The following SEZ6 variants were observed in gnomAD, a reference collection of about 807,000 sequenced individuals.
The protein encoded by SEZ6 is seizure protein 6 homolog.
SEZ6 carries 53 observed loss-of-function variants against 101.0 expected under a neutral mutation model. The observed-to-expected ratio is 0.52, with a 90% CI of 0.42 to 0.66. The LOEUF is 0.66. Ranked by LOEUF, SEZ6 falls within the 30% of genes least tolerant of loss-of-function variation. SEZ6 has a pLI of 0.00. For missense variants in SEZ6, 1,102 were observed against 1,289.4 expected, an observed-to-expected ratio of 0.85 and a Z score of 2.23; for synonymous variants, 488 against 512.2, an observed-to-expected ratio of 0.95 and a Z score of 0.64.
chr17:29,000,829 T>TG (rs1785374507), intron 1 of SEZ6, among the ~76,000 whole-genome samples: 2 of 152,030 alleles, frequency 1.3e-5, no homozygotes, highest in Admixed American at 6.6e-5. Flanking sequence ...GTGGCTGTTA[T>TG]AGGGGGGGTG....
At position 28,959,080 on chromosome 17, in the gene SEZ6, C is replaced by T. The variant is rs372776647; in HGVS notation, c.2052G>A (p.Ser684=). 1.4e-5 allele frequency: 23 copies of T among 1,613,864 alleles called. No individual in the cohort carries two copies. The highest frequency in any genetic ancestry group is 1.6e-5 in the Non-Finnish European group (19 of 1,179,878). The part of the protein sequence containing the change: ...SMADVTIQFQ[S]DPGTSVLGYQ... The stretch of plus-strand genomic sequence containing the variant: ...AGCCCAGCACTGAGGTCCCGGGGTC[C>T]GACTGGAACTGAATGGTGACATCAG... Residue 684 remains serine (S), a synonymous_variant, in exon 10 of 17, where the codon TCG becomes TCA. Coordinates refer to ENST00000317338, the MANE Select transcript of SEZ6 (RefSeq NM_178860.5). This position sits in a 1 kb window ranked among gnomAD's most constrained non-coding sequence, Gnocchi z 4.4.
chr17:28,994,982 C>T (rs921075133), intron 1 of SEZ6, among the ~76,000 whole-genome samples: 3 of 151,972 alleles, frequency 2.0e-5, no homozygotes, highest in African/African-American at 7.2e-5. Context: ...ACTCCGTTCT[C>T]CTGCCTCAGC....
In SEZ6 at chr17:28,981,954, T is replaced by C; in HGVS notation, c.141A>G (p.Thr47=). Residue 47 remains threonine, a synonymous_variant, in exon 2 of 17, where the codon ACA becomes ACG. Coordinates refer to ENST00000317338, the MANE Select transcript of SEZ6 (RefSeq NM_178860.5). ...GGACGCCTCGTTCTGGCTGCTCAGG[T>C]GTGGGGGCTGCTGTCAGCTCGCCAT... ...ETDGELTAAP[T]PEQPERGVHF... The C allele has an allele frequency of 6.2e-7, 1 of 1,613,722 alleles. No individual in the cohort carries two copies. Among genetic ancestry groups the C allele is most frequent in the East Asian group, 2.2e-5 (1 of 44,876 alleles).
rs2040961730 is a variant in SEZ6, at chr17:28,960,565, A to G, written c.1516T>C (p.Phe506Leu). Residue 506 changes from phenylalanine (F) to leucine (L), a missense_variant, in exon 7 of 17, where the codon TTT (phenylalanine) becomes CTT (leucine). Physicochemically the swap from Phe to Leu is conservative, Grantham distance 22 (BLOSUM62 0). Transcript: ENST00000317338. Reference protein sequence around the residue: ...EGLLSSGKHFFVELSTDSSGA... With the variant: ...EGLLSSGKHFLVELSTDSSGA... ...CTGCTGTCAGTACTGAGCTCAACAA[A>G]GAAGTGTTTGCCAGAGCTGAGCAGG... 7 of 1,594,330 alleles carry G rather than the reference A, an allele frequency of 4.4e-6. No homozygotes were observed. The highest frequency in any genetic ancestry group is 6.0e-6 in the Non-Finnish European group (7 of 1,170,846).
At chr17:28,984,953 G>A (rs373541727) in intron 1 of SEZ6, among the ~76,000 whole-genome samples, 2 of 152,302 alleles carry the variant, frequency 1.3e-5, no homozygotes, top group East Asian at 3.9e-4. Context: ...AGGCACTACT[G>A]TGTCAGGCCC....
chr17:29,000,593 T>C (rs2041603015), intron 1 of SEZ6, among the ~76,000 whole-genome samples: 1 of 152,132 alleles, frequency 6.6e-6, no homozygotes, highest in Admixed American at 6.5e-5. Flanking sequence ...TTCTGGATGA[T>C]TCTTAGGCCT....
Position 28,955,838 on chromosome 17 carries a change from G to T in SEZ6, c.*124C>A. On this transcript the variant is annotated 3_prime_UTR_variant, in exon 17 of 17. Transcript: ENST00000317338. ...GGCACAACTTCTTGAGGGCTTGGTG[G>T]CATCTCCTCCTAGGTGGTATATACA... is the stretch of plus-strand genomic sequence containing the variant. 1 of 1,102,560 alleles carries T rather than the reference G, an allele frequency of 9.1e-7. No individual in the cohort carries two copies. Among genetic ancestry groups the T allele is most frequent in the Non-Finnish European group, 1.4e-6 (1 of 738,046 alleles). 68.3% of individuals were successfully genotyped at this position (1,102,560 alleles called of 1,614,324 possible).
rs2041672063 is a variant in SEZ6 at position 29,005,280 on chromosome 17, G to A, written c.55+535C>T. Among the ~76,000 whole-genome samples, 1 of 152,200 alleles carries A rather than the reference G, an allele frequency of 6.6e-6. No individual in the cohort carries two copies. The highest frequency in any genetic ancestry group is 1.5e-5 in the Non-Finnish European group (1 of 68,026). ...TCTGGCGTGGCAGCGCCAGGGCATG[G>A]GGAGGTGAGCGAGGTCCCAACCCCG... On this transcript the variant is annotated intron_variant, in intron 1 of 16. Transcript: ENST00000317338. The surrounding 1 kb of genome is among the most constrained non-coding windows in gnomAD (Gnocchi z 4.8).
rs927624144 is a variant in SEZ6, at chr17:28,986,676, G to A, written c.56-4637C>T. Among the ~76,000 whole-genome samples the A allele has an allele frequency of 5.9e-5, 9 of 152,326 alleles. No individual in the cohort carries two copies. The East Asian group carries it at 1.7e-3, about 29-fold the overall frequency. On this transcript the variant is annotated intron_variant, in intron 1 of 16. Transcript: ENST00000317338. ...GGGCCAGCTGGCTTGCCCCTTCAGC[G>A]CTGCTGTTTCTGCAGATCTTTCTGT... is the stretch of plus-strand genomic sequence containing the variant.
intron 1 of SEZ6, among the ~76,000 whole-genome samples, chr17:29,004,547 G>C (rs912587545): frequency 6.6e-6 from 1 of 152,154 alleles, no homozygotes; most frequent in Non-Finnish European, 1.5e-5. Flanking sequence ...GCGTCTCCGG[G>C]GCCACAGTTT....
In SEZ6 at chr17:28,963,943, CT is replaced by C; in HGVS notation, c.1240+18del. 1 of 1,536,818 alleles carries C rather than the reference CT, an allele frequency of 6.5e-7. No homozygotes were observed. Among genetic ancestry groups the C allele is most frequent in the Non-Finnish European group, 8.7e-7 (1 of 1,155,664 alleles). ...TCACTTCTCTGCTCAGCACTGAGCCCTTTCCCCTGGGCACTCACCGATGCAG... is the reference window on the plus strand; with the variant it reads ...TCACTTCTCTGCTCAGCACTGAGCCCTTCCCCTGGGCACTCACCGATGCAG... On this transcript the variant is annotated intron_variant, in intron 5 of 16. Coordinates refer to ENST00000317338, the MANE Select transcript of SEZ6 (RefSeq NM_178860.5).
intron 2 of SEZ6, among the ~76,000 whole-genome samples, chr17:28,980,553 G>A (rs1023490385): frequency 6.6e-6 from 1 of 151,868 alleles, no homozygotes; most frequent in African/African-American, 2.4e-5. Context: ...GTATTTTTTA[G>A]TAGAGATGGG....
rs1053804395 is a variant in SEZ6, at chr17:28,971,665, C to T, written c.859-1713G>A. ...ATACTCTGCATTTTAACAAGATCCT[C>T]GGGCAACTCAAAAGCACTGATCTAC... is the stretch of plus-strand genomic sequence containing the variant. On this transcript the variant is annotated intron_variant, in intron 3 of 16. Coordinates refer to ENST00000317338, the MANE Select transcript of SEZ6 (RefSeq NM_178860.5). 7.2e-5 allele frequency among the ~76,000 whole-genome samples: 11 copies of T among 152,144 alleles called. No individual in the cohort carries two copies. In the East Asian group the frequency reaches 1.5e-3, roughly 21 times the overall value.
chr17:28,992,309 G>A (rs541039386), intron 1 of SEZ6, among the ~76,000 whole-genome samples: 2 of 152,306 alleles, frequency 1.3e-5, no homozygotes, highest in East Asian at 3.9e-4. Flanking sequence ...CATAGCCTGG[G>A]ATGAAAATGT....
chr17:28,969,558 G>A (rs1206295849), intron 4 of SEZ6, among the ~76,000 whole-genome samples, 199 bp downstream of exon 4: 1 of 152,188 alleles, frequency 6.6e-6, no homozygotes, highest in Admixed American at 6.5e-5. Flanking sequence ...GGTGGTGGGT[G>A]GAAGAGAGAA....
chr17:28,979,579 A>T, intron 3 of SEZ6, 101 bp downstream of exon 3: 1 of 1,534,228 alleles, frequency 6.5e-7, no homozygotes, highest in Admixed American at 1.8e-5. Flanking sequence ...CCCACAATTG[A>T]TGCCCCTAAT....
chr17:28,980,207 CT>C (rs3052135), intron 2 of SEZ6, among the ~76,000 whole-genome samples: 22,618 of 132,736 alleles, frequency 0.17, 2,046 homozygotes, highest in African/African-American at 0.3. Context: ...TGTTTTCTTT[CT>C]TTTTTTTTTT....
rs193005684 is a variant in SEZ6 at position 28,968,167 on chromosome 17, C to T, written c.1054+1590G>A. 7.1e-4 allele frequency among the ~76,000 whole-genome samples: 108 copies of T among 152,328 alleles called. 1 individual carries two copies. Among genetic ancestry groups the T allele is most frequent in the South Asian group, 3.7e-3 (18 of 4,830 alleles). On this transcript the variant is annotated intron_variant, in intron 4 of 16. Transcript: ENST00000317338. The stretch of plus-strand genomic sequence containing the variant: ...TCTGGCACCCTCTTTCTCTAGCCCA[C>T]GGAGATTTGCGTGTGAGCACACGCT...
chr17:28,965,822 C>T (rs1029375037), intron 4 of SEZ6, among the ~76,000 whole-genome samples: 8 of 152,108 alleles, frequency 5.3e-5, no homozygotes, highest in Admixed American at 4.6e-4. Context: ...ATATCCCGAT[C>T]CTGGGGTCAA....
Sources: allele counts gnomAD v4.1 joint callset (sites outside exome capture counted in the v4.1 genomes callset), GRCh38; gene constraint gnomAD v4.1.1; non-coding constraint Gnocchi (gnomAD v3.1); transcripts MANE v1.5; gene names NCBI Gene and HGNC (gene_info 2026-07-23, HGNC 2026-07-21).